The following SKOR2 variants were observed in gnomAD, a reference collection of about 807,000 sequenced individuals.
SKOR2 encodes the protein SKI family transcriptional corepressor 2.
A neutral mutation model predicts 69.1 loss-of-function variants in SKOR2; 47 were observed. That is an observed-to-expected ratio of 0.68 (90% CI 0.54 to 0.87). The LOEUF is 0.87. SKOR2 is among the 40% of genes least tolerant of loss of function. SKOR2 has a pLI of 0.00. For synonymous variants in SKOR2, 717 were observed against 672.6 expected (o/e 1.07, Z -1.02); for missense variants, 1,404 against 1,472.2 (o/e 0.95, Z 0.76).
intron 4 of SKOR2, among the ~76,000 whole-genome samples, chr18:47,234,864 GA>G (rs769601681): frequency 5.1e-4 from 56 of 109,026 alleles, no homozygotes; most frequent in South Asian, 1.4e-3. Flanking sequence ...CCATCTCAGG[GA>G]AAAAAAAAAA....
In SKOR2 at chr18:47,247,131, C is replaced by G; in HGVS notation, c.2053G>C (p.Glu685Gln). The part of the protein sequence containing the change: ...PLLLLPPQPD[E>Q]PGSERHHPAP... ...GGGTGGTGGCGCTCGGAACCCGGCT[C>G]GTCGGGCTGCGGGGGCAGCAGCAGA... Residue 685 changes from glutamate (E) to glutamine (Q), a missense_variant, in exon 2 of 9, where the codon GAG becomes CAG. By Grantham distance (29) the Glu-to-Gln change is conservative (BLOSUM62 2). Around this residue, in one of 3 missense-constraint regions of SKOR2, gnomAD observed 1,266 missense variants for 1,309.9 expected, o/e 0.97. Coordinates refer to ENST00000425639, the MANE Select transcript of SKOR2 (RefSeq NM_001278063.4). The surrounding 1 kb of genome is among the most constrained non-coding windows in gnomAD (Gnocchi z 6.6). The G allele has an allele frequency of 9.9e-7, 1 of 1,009,670 alleles. No individual in the cohort carries two copies. Among genetic ancestry groups the G allele is most frequent in the Non-Finnish European group, 1.2e-6 (1 of 843,346 alleles). The allele number at this position is 1,009,670 out of a possible 1,614,324, so 62.5% of individuals were successfully genotyped here.
chr18:47,233,648 C>G (rs2064208533), intron 4 of SKOR2, among the ~76,000 whole-genome samples: 1 of 152,180 alleles, frequency 6.6e-6, no homozygotes, highest in South Asian at 2.1e-4. Context: ...TAAATGAGAT[C>G]TTTATTCCTG....
Position 47,249,302 on chromosome 18 carries a change from A to G in SKOR2, c.-47-72T>C, listed in dbSNP as rs999269095. ...AACAGAGGGGTGGGATGAATCGCTA[A>G]CCAAAGAATTAGAATAACTTTCTTG... On this transcript the variant is annotated intron_variant, in intron 1 of 8. Transcript: ENST00000425639. 7 of 1,289,572 alleles carry G rather than the reference A, an allele frequency of 5.4e-6. No individual in the cohort carries two copies. In the African/African-American group the frequency reaches 1.0e-4, roughly 19 times the overall value. The allele number at this position is 1,289,572 out of a possible 1,614,324, so 79.9% of individuals were successfully genotyped here. A position where few individuals can be genotyped will look rare whatever the true frequency, so the allele number is the denominator to read the frequency against.
In SKOR2 at chr18:47,230,889, C is replaced by A; in HGVS notation, c.2818+46G>T. The A allele has an allele frequency of 2.7e-6, 4 of 1,500,860 alleles. No homozygotes were observed. In the South Asian group the frequency reaches 4.8e-5, roughly 18 times the overall value. 93.0% of individuals were successfully genotyped at this position (1,500,860 alleles called of 1,614,324 possible). On this transcript the variant is annotated intron_variant, in intron 5 of 8. Transcript: ENST00000425639. ...AATATCCTCCTATTATCTCCACAGTCGTTTAAAGCTAAGAGAAGTTCTACA... is the reference window on the plus strand; with the variant it reads ...AATATCCTCCTATTATCTCCACAGTAGTTTAAAGCTAAGAGAAGTTCTACA...
intron 8 of SKOR2, among the ~76,000 whole-genome samples, chr18:47,207,395 A>G (rs1372635686): frequency 6.6e-6 from 1 of 152,180 alleles, no homozygotes; most frequent in African/African-American, 2.4e-5. Context: ...AGGAGAGCAG[A>G]CAATGTATGG....
chr18:47,227,800 T>C (rs1294927367), intron 6 of SKOR2, among the ~76,000 whole-genome samples: 1 of 152,236 alleles, frequency 6.6e-6, no homozygotes, highest in Non-Finnish European at 1.5e-5. Context: ...CTCATTCTTC[T>C]AAGCGACAGG....
At chr18:47,221,669 T>G (rs945588555) in intron 6 of SKOR2, among the ~76,000 whole-genome samples, 7 of 150,318 alleles carry the variant, frequency 4.7e-5, no homozygotes, top group Admixed American at 3.3e-4. Context: ...CCAGAATTAT[T>G]TACCCATTTT....
chr18:47,242,377 A>G (rs1006300102), intron 4 of SKOR2, among the ~76,000 whole-genome samples: 1 of 152,264 alleles, frequency 6.6e-6, no homozygotes, highest in Middle Eastern at 3.4e-3. Context: ...TGGTTGTTGA[A>G]ATGTTAACTG....
intron 7 of SKOR2, among the ~76,000 whole-genome samples, chr18:47,215,488 CTG>C (rs917252126): frequency 6.6e-6 from 1 of 152,090 alleles, no homozygotes; most frequent in African/African-American, 2.4e-5. Context: ...TACTGAAGAG[CTG>C]TGTCCTTGCC....
chr18:47,232,535 C>T (rs1294644176), intron 4 of SKOR2, among the ~76,000 whole-genome samples: 1 of 152,196 alleles, frequency 6.6e-6, no homozygotes, highest in Non-Finnish European at 1.5e-5. Flanking sequence ...GCTCTGAGGC[C>T]TCATGGATCC....
At chr18:47,229,499 C>A (rs2064189829) in intron 6 of SKOR2, among the ~76,000 whole-genome samples, 1 of 151,952 alleles carries the variant, frequency 6.6e-6, no homozygotes, top group South Asian at 2.1e-4. Context: ...ACTAAAAATG[C>A]AAAAATTAGC....
chr18:47,245,642 A>G (rs2064269753), intron 2 of SKOR2, 81 bp from the exon 3 acceptor site: 3 of 1,353,600 alleles, frequency 2.2e-6, no homozygotes, highest in Admixed American at 2.9e-5. Flanking sequence ...AGGAAGAAGC[A>G]TCAATAAAAG....
chr18:47,215,199 G>A (rs937404993), intron 7 of SKOR2, among the ~76,000 whole-genome samples: 2 of 152,132 alleles, frequency 1.3e-5, no homozygotes, highest in Admixed American at 1.3e-4. Flanking sequence ...TACTGCTAGA[G>A]AATTTTAAGG....
chr18:47,220,186 A>C (rs1205663543), intron 6 of SKOR2, among the ~76,000 whole-genome samples, 176 bp from the exon 7 acceptor site: 1 of 152,164 alleles, frequency 6.6e-6, no homozygotes, highest in Non-Finnish European at 1.5e-5. Flanking sequence ...TAATTTAATC[A>C]GACTAGACAG....
At chr18:47,224,724 C>T (rs934074692) in intron 6 of SKOR2, among the ~76,000 whole-genome samples, 6 of 151,838 alleles carry the variant, frequency 4.0e-5, no homozygotes, top group African/African-American at 1.5e-4. Context: ...AAGTGATCCT[C>T]CCATCTCTGC....
In SKOR2 at chr18:47,247,876, G is replaced by A; in HGVS notation, c.1308C>T (p.Gly436=). Residue 436 remains glycine, a synonymous_variant, in exon 2 of 9, where the codon GGC becomes GGT. Transcript: ENST00000425639. The surrounding 1 kb of genome is among the most constrained non-coding windows in gnomAD (Gnocchi z 6.6). The part of the protein sequence containing the change: ...DAGAAAEALG[G]AGAGGAGAAP... ...CCGCGCCCGCGCCGCCTGCGCCCGC[G>A]CCCCCCAGGGCCTCAGCGGCGGCAC... 3 of 1,354,146 alleles carry A rather than the reference G, an allele frequency of 2.2e-6. No homozygotes were observed. Among genetic ancestry groups the A allele is most frequent in the South Asian group, 1.8e-5 (1 of 54,094 alleles). The allele number at this position is 1,354,146 out of a possible 1,614,324, so 83.9% of individuals were successfully genotyped here.
At chr18:47,218,685 A>G (rs2247578) in intron 7 of SKOR2, among the ~76,000 whole-genome samples, 83,702 of 151,674 alleles carry the variant, frequency 0.55, 23,247 homozygotes, top group Middle Eastern at 0.61. Context: ...TCTTTTATTT[A>G]AATTTTTCCT....
intron 4 of SKOR2, among the ~76,000 whole-genome samples, chr18:47,237,623 T>G (rs1355594): frequency 0.38 from 58,361 of 151,780 alleles, 11,913 homozygotes; most frequent in Middle Eastern, 0.48. Flanking sequence ...TGAATAAAGA[T>G]CAAAAAATGT....
intron 6 of SKOR2, among the ~76,000 whole-genome samples, chr18:47,225,007 C>T (rs573452667): frequency 5.9e-5 from 9 of 152,076 alleles, no homozygotes; most frequent in East Asian, 3.9e-4. Context: ...CCTGCCACCC[C>T]GACCCTGCAC....
Sources: gnomAD v4.1 joint callset for allele counts (sites outside exome capture counted in the v4.1 genomes callset) on GRCh38, gnomAD v4.1.1 for gene constraint, gnomAD v4.1.1 regional missense constraint, Gnocchi (gnomAD v3.1) non-coding constraint, MANE v1.5 for transcripts, NCBI Gene and HGNC (gene_info 2026-07-23, HGNC 2026-07-21) for gene names.